The following SEMA3C variants were observed in gnomAD, a reference collection of about 807,000 sequenced individuals.
SEMA3C encodes the protein semaphorin 3C.
In SEMA3C, 47 loss-of-function variants were observed where a neutral mutation model predicts 89.4. The observed-to-expected ratio is 0.53, with a 90% CI of 0.42 to 0.67. The LOEUF (loss-of-function observed/expected upper bound fraction) is 0.67. Among genes scored for constraint, SEMA3C ranks in the 30% least tolerant of loss-of-function variants. The pLI is 0.00. For synonymous variants in SEMA3C, 310 were observed against 320.2 expected (o/e 0.97, Z 0.34); for missense variants, 839 against 929.1 (o/e 0.90, Z 1.26).
At chr7:80,777,717 A>C (rs1305795485) in intron 12 of SEMA3C, among the ~76,000 whole-genome samples, 2 of 152,252 alleles carry the variant, frequency 1.3e-5, no homozygotes, top group Non-Finnish European at 2.9e-5. Context: ...ACAGGTGCAC[A>C]CACATGCTTG....
intron 2 of SEMA3C, among the ~76,000 whole-genome samples, chr7:80,874,959 C>T (rs767767206): frequency 2.0e-5 from 3 of 152,034 alleles, no homozygotes; most frequent in Non-Finnish European, 4.4e-5. Flanking sequence ...TGGCAGGTAC[C>T]TGTAGTCCCA....
chr7:80,891,871 A>C (rs1351763234), intron 2 of SEMA3C, among the ~76,000 whole-genome samples: 3 of 152,158 alleles, frequency 2.0e-5, no homozygotes, highest in Non-Finnish European at 4.4e-5. Context: ...TATTATTATA[A>C]AATTTACTTT....
chr7:80,813,747 C>T (rs756661839), intron 5 of SEMA3C, among the ~76,000 whole-genome samples: 8 of 152,136 alleles, frequency 5.3e-5, no homozygotes, highest in Non-Finnish European at 1.2e-4. Flanking sequence ...TTAAACAACC[C>T]CTTCAGCTCC....
intron 2 of SEMA3C, chr7:80,847,456 T>C (rs1027144383): frequency 3.3e-5 from 5 of 152,186 alleles, no homozygotes; most frequent in African/African-American, 1.2e-4. Context: ...CTTTGTCAAA[T>C]TGCTATACAT....
intron 2 of SEMA3C, among the ~76,000 whole-genome samples, chr7:80,904,673 C>T (rs1234982443): frequency 6.6e-6 from 1 of 152,098 alleles, no homozygotes; most frequent in African/African-American, 2.4e-5. Flanking sequence ...AAAAGGAGTT[C>T]CCTGACACTT....
At chr7:80,758,571 C>A in intron 14 of SEMA3C, 83 bp from the exon 15 acceptor site, 1 of 1,320,270 alleles carries the variant, frequency 7.6e-7, no homozygotes, top group East Asian at 2.3e-5. Flanking sequence ...AATATATGCC[C>A]ACAAACCCTT....
intron 5 of SEMA3C, among the ~76,000 whole-genome samples, chr7:80,818,042 C>A (rs150518966): frequency 3.3e-5 from 5 of 150,340 alleles, no homozygotes; most frequent in African/African-American, 1.2e-4. Context: ...ATATAGTTGC[C>A]TCCAACTAAA....
intron 12 of SEMA3C, among the ~76,000 whole-genome samples, chr7:80,773,607 TTC>T (rs1280050508): frequency 6.6e-6 from 1 of 152,190 alleles, no homozygotes; most frequent in Non-Finnish European, 1.5e-5. Flanking sequence ...ATTCCACACT[TTC>T]TGTCTGGGAA....
intron 2 of SEMA3C, among the ~76,000 whole-genome samples, chr7:80,853,280 G>C (rs1357398819): frequency 4.6e-5 from 7 of 152,188 alleles, no homozygotes; most frequent in Non-Finnish European, 2.9e-5. Context: ...ATATGCAAAA[G>C]AAAGGAAATC....
At chr7:80,750,461 T>TAC (rs1562857209) in intron 16 of SEMA3C, among the ~76,000 whole-genome samples, 5 of 67,430 alleles carry the variant, frequency 7.4e-5, no homozygotes, top group Non-Finnish European at 1.1e-4. Flanking sequence ...TATATATATA[T>TAC]ATATATATAT....
At chr7:80,917,221 A>G (rs1193631057) in intron 1 of SEMA3C, among the ~76,000 whole-genome samples, 1 of 152,206 alleles carries the variant, frequency 6.6e-6, no homozygotes, top group African/African-American at 2.4e-5. Flanking sequence ...CCACTAACGT[A>G]ACAGCAGCAG....
intron 12 of SEMA3C, among the ~76,000 whole-genome samples, chr7:80,765,558 G>GTTTTT (rs967262005): frequency 1.1e-4 from 16 of 143,634 alleles, no homozygotes; most frequent in African/African-American, 4.2e-4. Context: ...CAATACATAA[G>GTTTTT]TTTTTTTTGT....
At chr7:80,836,529 T>C (rs988018887) in intron 2 of SEMA3C, among the ~76,000 whole-genome samples, 4 of 151,906 alleles carry the variant, frequency 2.6e-5, no homozygotes, top group Non-Finnish European at 5.9e-5. Context: ...AATACAAAAA[T>C]TAGCCGGGCA....
intron 2 of SEMA3C, among the ~76,000 whole-genome samples, chr7:80,864,195 G>A (rs1790871641): frequency 6.6e-6 from 1 of 151,942 alleles, no homozygotes; most frequent in Admixed American, 6.6e-5. Flanking sequence ...TAAGCTATGA[G>A]GATGCAAAGG....
intron 4 of SEMA3C, among the ~76,000 whole-genome samples, chr7:80,824,436 G>A (rs186289029): frequency 2.6e-5 from 4 of 152,200 alleles, no homozygotes; most frequent in African/African-American, 7.2e-5. Context: ...ATATTTCCCA[G>A]GCTGAAAACA....
At chr7:80,922,267 T>G (rs1398750954), upstream of SEMA3C, 4 of 1,288,882 alleles carry the variant, frequency 3.1e-6, no homozygotes, top group East Asian at 2.2e-4. Flanking sequence ...CCTCTTACCT[T>G]TTTTGCTTAA....
intron 15 of SEMA3C, among the ~76,000 whole-genome samples, chr7:80,754,714 A>G (rs1404533499): frequency 6.6e-6 from 1 of 152,080 alleles, no homozygotes; most frequent in Non-Finnish European, 1.5e-5. Context: ...TATATGTAGC[A>G]TTTTCAGGCT....
intron 15 of SEMA3C, among the ~76,000 whole-genome samples, chr7:80,754,367 T>C (rs1261766700): frequency 6.6e-6 from 1 of 152,196 alleles, no homozygotes; most frequent in Non-Finnish European, 1.5e-5. Flanking sequence ...ACAAAGAAAA[T>C]AGTTTTTTGC....
At chr7:80,754,013 C>T (rs762165109) in intron 15 of SEMA3C, among the ~76,000 whole-genome samples, 6 of 152,212 alleles carry the variant, frequency 3.9e-5, no homozygotes, top group Non-Finnish European at 8.8e-5. Flanking sequence ...TCTCGGCTCG[C>T]TGCAATCTCC....
Sources: allele counts gnomAD v4.1 joint callset (sites outside exome capture counted in the v4.1 genomes callset), GRCh38; gene constraint gnomAD v4.1.1; transcripts MANE v1.5; gene names NCBI Gene and HGNC (gene_info 2026-07-23, HGNC 2026-07-21).